ABCA1: variants seen among roughly 807,000 people sequenced by gnomAD.
The protein encoded by ABCA1 is ATP binding cassette subfamily A member 1.
Under a neutral mutation model 262.5 loss-of-function variants are expected in ABCA1, and 133 were observed. That is an observed-to-expected ratio of 0.51 (90% CI 0.44 to 0.59). ABCA1 has a LOEUF of 0.59. ABCA1 is among the 20% of genes least tolerant of loss of function. The probability of loss-of-function intolerance (pLI) is 0.00; values close to 1 mark genes in which losing one functional copy is unlikely to be tolerated. For synonymous variants in ABCA1, 1,022 were observed against 1,043.5 expected (o/e 0.98, Z 0.40); for missense variants, 2,452 against 2,777.5 (o/e 0.88, Z 2.63).
chr9:104,827,733 C>T (rs1044690312), intron 15 of ABCA1, among the ~76,000 whole-genome samples: 2 of 152,190 alleles, frequency 1.3e-5, no homozygotes, highest in African/African-American at 4.8e-5. Context: ...AACCATGGGA[C>T]CACTACCTCT....
chr9:104,851,115 T>C (rs2119071676), intron 7 of ABCA1, among the ~76,000 whole-genome samples: 1 of 152,322 alleles, frequency 6.6e-6, no homozygotes, highest in South Asian at 2.1e-4. Context: ...TTCTGTGACA[T>C]TGGCCCCAGA....
At position 104,786,922 on chromosome 9, in the gene ABCA1, C is replaced by G; in HGVS notation, c.6259G>C (p.Ala2087Pro). 1 of 1,614,036 alleles carries G rather than the reference C, an allele frequency of 6.2e-7. No individual in the cohort carries two copies. Among genetic ancestry groups the G allele is most frequent in the Non-Finnish European group, 8.5e-7 (1 of 1,179,976 alleles). Reference protein sequence around the residue: ...PKARRFLWNCALSVVKEGRSV... With the variant: ...PKARRFLWNCPLSVVKEGRSV... The stretch of plus-strand genomic sequence containing the variant: ...CTCCCCTCCTTGACAACACTTAGGG[C>G]ACAATTCCACAAGAACCGCCGGGCT... The change falls in exon 47 of 50, where the codon GCC (alanine) becomes CCC (proline). Residue 2087 changes from alanine (A) to proline (P), a missense_variant. Around this residue, in one of 4 missense-constraint regions of ABCA1, gnomAD observed 752 missense variants for 944.5 expected, o/e 0.80. Transcript: ENST00000374736.
At position 104,784,571 on chromosome 9, in the gene ABCA1, T is replaced by C; in HGVS notation, c.6646-116A>G. On this transcript the variant is annotated intron_variant, in intron 49 of 49. Transcript: ENST00000374736. The stretch of plus-strand genomic sequence containing the variant: ...TCAAGTAGGAGCATACAGAATTACA[T>C]AAATGGATTAACTAGAAAACTGTGT... 2.5e-6 allele frequency: 3 copies of C among 1,210,504 alleles called. No homozygotes were observed. The South Asian group carries it at 3.9e-5, about 16-fold the overall frequency. 75.0% of individuals were successfully genotyped at this position (1,210,504 alleles called of 1,614,324 possible).
chr9:104,796,119 G>A lies in ABCA1; in HGVS notation c.5316C>T (p.Ser1772=), dbSNP rs150017407. The change falls in exon 39 of 50, where the codon AGC becomes AGT. Residue 1772 remains serine, a synonymous_variant. Coordinates refer to ENST00000374736, the MANE Select transcript of ABCA1 (RefSeq NM_005502.4). ...IPSTAYVVLT[S]VNLFIGINGS... is the part of the protein sequence containing the mutation. ...CATTAATGCCAATGAAGAGGTTCAC[G>A]CTGGTGAGCACCACATAGGCTGTGC... The A allele has an allele frequency of 1.2e-5, 20 of 1,613,708 alleles. No individual in the cohort carries two copies. The highest frequency in any genetic ancestry group is 1.7e-4 in the Middle Eastern group (1 of 5,780).
At chr9:104,829,751 T>C (rs574147919) in intron 14 of ABCA1, among the ~76,000 whole-genome samples, 9 of 152,240 alleles carry the variant, frequency 5.9e-5, no homozygotes, top group African/African-American at 1.9e-4. Context: ...CTTTCTAGAG[T>C]AAACCTTAGC....
intron 28 of ABCA1, among the ~76,000 whole-genome samples, chr9:104,812,133 T>A (rs541897509): frequency 6.6e-6 from 1 of 152,216 alleles, no homozygotes; most frequent in South Asian, 2.1e-4. Flanking sequence ...AGAAAAATCA[T>A]GTTTCTAATA....
intron 3 of ABCA1, among the ~76,000 whole-genome samples, chr9:104,887,145 G>A (rs925003164): frequency 3.3e-5 from 5 of 152,214 alleles, no homozygotes; most frequent in Non-Finnish European, 5.9e-5. Flanking sequence ...GGACGTGGTG[G>A]CACATGCCTG....
chr9:104,814,855 C>A (rs970803761), intron 25 of ABCA1, among the ~76,000 whole-genome samples: 1 of 152,084 alleles, frequency 6.6e-6, no homozygotes, highest in Non-Finnish European at 1.5e-5. Context: ...ATTAGCTGGG[C>A]GTGGTAGCAC....
At chr9:104,815,045 G>T (rs988155658) in intron 25 of ABCA1, among the ~76,000 whole-genome samples, 3 of 152,158 alleles carry the variant, frequency 2.0e-5, no homozygotes, top group Non-Finnish European at 4.4e-5. Context: ...ACACTGCGCA[G>T]AAGAAATTTA....
chr9:104,861,517 T>C, intron 6 of ABCA1, 162 bp downstream of exon 6: 1 of 1,022,880 alleles, frequency 9.8e-7, no homozygotes, highest in Admixed American at 1.9e-5. Context: ...GGTTTGGCAA[T>C]TCCTGCCTGA....
At chr9:104,865,910 G>A (rs1054801586) in intron 5 of ABCA1, among the ~76,000 whole-genome samples, 1 of 152,146 alleles carries the variant, frequency 6.6e-6, no homozygotes, top group Non-Finnish European at 1.5e-5. Context: ...TGAAAGGGGA[G>A]ATAAAGAGGC....
At chr9:104,925,880 C>T (rs1440524325) in intron 1 of ABCA1, among the ~76,000 whole-genome samples, 2 of 152,052 alleles carry the variant, frequency 1.3e-5, no homozygotes, top group African/African-American at 4.8e-5. Context: ...AGTTTCTCAA[C>T]AGAAAGCCTC....
At position 104,883,051 on chromosome 9, in the gene ABCA1, T is replaced by C. The variant is rs770247341; in HGVS notation, c.409A>G (p.Lys137Glu). 3 of 1,613,834 alleles carry C rather than the reference T, an allele frequency of 1.9e-6. No individual in the cohort carries two copies. The Admixed American group carries it at 5.0e-5, about 27-fold the overall frequency. Residue 137 changes from lysine (K) to glutamate (E), a missense_variant, in exon 5 of 50, where the codon AAA (lysine) becomes GAA (glutamate). Coordinates refer to ENST00000374736, the MANE Select transcript of ABCA1 (RefSeq NM_005502.4). ...KVLRTLQQIK[K>E]SSSNLKLQDF... Reference sequence around the variant, plus strand: ...GGTTTTTACTTACTTGAGCTGGATTTCTTGATCTGCTGTAATGTTCTCAGA... The same window carrying C: ...GGTTTTTACTTACTTGAGCTGGATTCCTTGATCTGCTGTAATGTTCTCAGA...
chr9:104,870,399 C>G (rs1837495773), intron 5 of ABCA1, among the ~76,000 whole-genome samples: 2 of 152,182 alleles, frequency 1.3e-5, no homozygotes, highest in South Asian at 4.1e-4. Context: ...GAGCGGTGAG[C>G]CTCCAACCCT....
chr9:104,923,771 G>A (rs1287510766), intron 1 of ABCA1, among the ~76,000 whole-genome samples: 1 of 152,228 alleles, frequency 6.6e-6, no homozygotes, highest in Non-Finnish European at 1.5e-5. Context: ...CCTGCACAGT[G>A]GCTTATGCCT....
chr9:104,910,015 G>C (rs959880672), intron 1 of ABCA1, among the ~76,000 whole-genome samples: 2 of 152,138 alleles, frequency 1.3e-5, no homozygotes, highest in Non-Finnish European at 2.9e-5. Flanking sequence ...GTAACAAATG[G>C]GCTGGCTGGT....
chr9:104,913,489 A>G (rs1300001797), intron 1 of ABCA1, among the ~76,000 whole-genome samples: 1 of 152,214 alleles, frequency 6.6e-6, no homozygotes, highest in Non-Finnish European at 1.5e-5. Flanking sequence ...TTCACAGTGA[A>G]GTATTCATCA....
At chr9:104,862,652 G>C (rs181439102) in intron 5 of ABCA1, among the ~76,000 whole-genome samples, 437 of 3,634 alleles carry the variant, frequency 0.12, 90 homozygotes, top group African/African-American at 0.2. Context: ...GCCGGGCCGG[G>C]CCGGGCCGGG....
At chr9:104,786,151 C>T (rs531561427) in intron 48 of ABCA1, 147 bp downstream of exon 48, 25 of 704,004 alleles carry the variant, frequency 3.6e-5, no homozygotes, top group South Asian at 2.0e-4. Context: ...GAATGCAGTT[C>T]GGACTTCAAA....
Sources: allele counts gnomAD v4.1 joint callset (sites outside exome capture counted in the v4.1 genomes callset), GRCh38; gene constraint gnomAD v4.1.1; regional missense constraint gnomAD v4.1.1; transcripts MANE v1.5; gene names NCBI Gene and HGNC (gene_info 2026-07-23, HGNC 2026-07-21).